The following PSMF1 variants were observed in gnomAD, a reference collection of about 807,000 sequenced individuals.
PSMF1 encodes the protein proteasome inhibitor subunit 1, also known as proteasome inhibitor PI31 subunit.
A neutral mutation model predicts 29.3 loss-of-function variants in PSMF1; 30 were observed. The observed-to-expected ratio is 1.02, with a 90% confidence interval of 0.77 to 1.39. PSMF1 has a LOEUF of 1.39. Among genes scored for constraint, PSMF1 ranks in the 40% most tolerant of loss-of-function variants. The pLI is 0.00. For synonymous variants in PSMF1, 134 were observed against 139.7 expected, an observed-to-expected ratio of 0.96 and a Z score of 0.29; for missense variants, 344 against 357.5, an observed-to-expected ratio of 0.96 and a Z score of 0.31.
At chr20:1,149,927 A>AGGT (rs1317818027) in intron 4 of PSMF1, among the ~76,000 whole-genome samples, 1 of 151,366 alleles carries the variant, frequency 6.6e-6, no homozygotes, top group African/African-American at 2.5e-5. Flanking sequence ...TGAGAGGCTG[A>AGGT]GGTGGGAGGA....
intron 1 of PSMF1, among the ~76,000 whole-genome samples, chr20:1,120,131 A>G (rs2086067678): frequency 6.6e-6 from 1 of 151,200 alleles, no homozygotes; most frequent in South Asian, 2.1e-4. Context: ...GACCAAGACC[A>G]CCATACCCCT....
chr20:1,143,475 A>C (rs374907608), intron 4 of PSMF1, among the ~76,000 whole-genome samples: 17 of 152,224 alleles, frequency 1.1e-4, no homozygotes, highest in East Asian at 9.6e-4. Context: ...TATAAAAATG[A>C]CCTCAAAGTG....
Position 1,118,606 on chromosome 20 carries a change from T to C in PSMF1, c.-168T>C. 1.2e-6 allele frequency: 1 copy of C among 811,086 alleles called. No individual in the cohort carries two copies. Among genetic ancestry groups the C allele is most frequent in the Non-Finnish European group, 1.8e-6 (1 of 552,734 alleles). The allele number at this position is 811,086 out of a possible 1,614,324, so 50.2% of individuals were successfully genotyped here. The stretch of plus-strand genomic sequence containing the variant: ...CCCGCTGTTGGGACTACTTCCGGCT[T>C]CCCCGCCCCGCCCCGTCCCCGGGCG... On this transcript the variant is annotated 5_prime_UTR_variant, in exon 1 of 7. Transcript: ENST00000335877.
chr20:1,116,259 G>A (rs2086011308), upstream of PSMF1, among the ~76,000 whole-genome samples: 1 of 152,054 alleles, frequency 6.6e-6, no homozygotes, highest in Non-Finnish European at 1.5e-5. Context: ...CAAACAGAAG[G>A]GACAGAGCAA....
chr20:1,143,827 A>G (rs575542913), intron 4 of PSMF1, among the ~76,000 whole-genome samples: 136 of 152,334 alleles, frequency 8.9e-4, no homozygotes, highest in Non-Finnish European at 1.6e-3. Flanking sequence ...ATGGTGGCTC[A>G]TGCCTGTAAT....
Position 1,164,531 on chromosome 20 carries a change from G to A in PSMF1, c.764+55G>A. ...TAGGACCTGATGGCAGCTTGGTTCA[G>A]TGTGGCAGCAATGAAGGTTTCTAGC... On this transcript the variant is annotated intron_variant, in intron 6 of 6. Transcript: ENST00000335877. The surrounding 1 kb of genome is among the most constrained non-coding windows in gnomAD (Gnocchi z 4.1). The A allele has an allele frequency of 6.3e-7, 1 of 1,597,320 alleles. No homozygotes were observed. Among genetic ancestry groups the A allele is most frequent in the Admixed American group, 1.7e-5 (1 of 59,694 alleles).
chr20:1,132,880 T>C (rs2086248269), intron 3 of PSMF1, among the ~76,000 whole-genome samples: 1 of 152,052 alleles, frequency 6.6e-6, no homozygotes, highest in Non-Finnish European at 1.5e-5. Context: ...AAATGTTCAT[T>C]GTTAGTGTGT....
intron 2 of PSMF1, 134 bp from the exon 3 acceptor site, chr20:1,127,292 A>T: frequency 1.2e-6 from 1 of 800,962 alleles, no homozygotes; most frequent in Non-Finnish European, 2.2e-6. Flanking sequence ...ATTTCATATA[A>T]ACAGTCCTTA....
At chr20:1,131,047 G>C (rs1252395497) in intron 3 of PSMF1, among the ~76,000 whole-genome samples, 4 of 151,988 alleles carry the variant, frequency 2.6e-5, no homozygotes, top group African/African-American at 9.7e-5. Flanking sequence ...CTGAGGAAAG[G>C]GGGAAGTGAG....
intron 4 of PSMF1, among the ~76,000 whole-genome samples, chr20:1,139,930 T>C (rs2086360196): frequency 6.6e-6 from 1 of 152,200 alleles, no homozygotes; most frequent in South Asian, 2.1e-4. Flanking sequence ...CAGTGAAAAC[T>C]GTAAAACATT....
chr20:1,161,990 A>C (rs1262706761), intron 4 of PSMF1, among the ~76,000 whole-genome samples: 1 of 152,184 alleles, frequency 6.6e-6, no homozygotes, highest in Non-Finnish European at 1.5e-5. Flanking sequence ...GCTGAGGTGA[A>C]GAACATGCTT....
intron 4 of PSMF1, among the ~76,000 whole-genome samples, chr20:1,139,976 C>T (rs1267540347): frequency 1.3e-5 from 2 of 152,142 alleles, no homozygotes; most frequent in African/African-American, 2.4e-5. Context: ...AAAGGAAAGA[C>T]ATTCTGTGCT....
chr20:1,124,896 C>T (rs1328850328), intron 1 of PSMF1, among the ~76,000 whole-genome samples: 2 of 152,158 alleles, frequency 1.3e-5, no homozygotes, highest in African/African-American at 4.8e-5. Flanking sequence ...GTGGTGATTA[C>T]CCTTGAAGGG....
rs6108635 is a variant in PSMF1 at position 1,130,484 on chromosome 20, C to T, written c.365+2976C>T. Among the ~76,000 whole-genome samples, 1,202 of 152,264 alleles carry T rather than the reference C, an allele frequency of 7.9e-3. 14 individuals carry two copies. Among genetic ancestry groups the T allele is most frequent in the African/African-American group, 0.027 (1,141 of 41,538 alleles). On this transcript the variant is annotated intron_variant, in intron 3 of 6. Coordinates refer to ENST00000335877, the MANE Select transcript of PSMF1 (RefSeq NM_006814.5). ...TTCAGCCACAGTGTCATTCTTCTGC[C>T]CTCTTCAGACCTCTTCCCTCTGTCT...
In PSMF1 at chr20:1,161,696, A is replaced by T. The variant is rs951097831; in HGVS notation, c.552-1434A>T. ...CTCCATGTCCACCACAAATGCTTCT[A>T]AATGGACTACAAGCAGATGTGTAGC... On this transcript the variant is annotated intron_variant, in intron 4 of 6. Transcript: ENST00000335877. The T allele has an allele frequency of 9.5e-6, 6 of 631,798 alleles. No individual in the cohort carries two copies. In the African/African-American group the frequency reaches 1.1e-4, roughly 12 times the overall value. 39.1% of individuals were successfully genotyped at this position (631,798 alleles called of 1,614,324 possible). A position where few individuals can be genotyped will look rare whatever the true frequency, so the allele number is the denominator to read the frequency against.
At chr20:1,138,480 G>A (rs1042919075) in intron 4 of PSMF1, among the ~76,000 whole-genome samples, 23 of 141,916 alleles carry the variant, frequency 1.6e-4, no homozygotes, top group Admixed American at 1.2e-3. Context: ...CTGAGATGGC[G>A]CCACTGCACT....
intron 3 of PSMF1, among the ~76,000 whole-genome samples, chr20:1,133,762 T>A (rs1382481972): frequency 2.6e-5 from 4 of 151,396 alleles, no homozygotes; most frequent in Non-Finnish European, 5.9e-5. Flanking sequence ...TTTTGGTTTT[T>A]GTTTTTTTAT....
intron 1 of PSMF1, among the ~76,000 whole-genome samples, chr20:1,120,075 C>A (rs1204437534): frequency 1.3e-5 from 2 of 152,110 alleles, no homozygotes; most frequent in African/African-American, 4.8e-5. Flanking sequence ...CCCTTTCCCC[C>A]ACCCCTCACT....
intron 4 of PSMF1, among the ~76,000 whole-genome samples, chr20:1,135,659 G>C (rs2122511762): frequency 6.6e-6 from 1 of 152,302 alleles, no homozygotes; most frequent in East Asian, 1.9e-4. Context: ...TTTTTGTCTA[G>C]ACAGGGCCCT....
Sources: allele counts gnomAD v4.1 joint callset (sites outside exome capture counted in the v4.1 genomes callset), GRCh38; gene constraint gnomAD v4.1.1; non-coding constraint Gnocchi (gnomAD v3.1); transcripts MANE v1.5; gene names NCBI Gene and HGNC (gene_info 2026-07-23, HGNC 2026-07-21).